Variants in RNF13 observed in about 807,000 individuals in gnomAD.
The protein encoded by RNF13 is E3 ubiquitin-protein ligase RNF13.
RNF13 carries 19 observed loss-of-function variants against 37.7 expected under a neutral mutation model. The ratio of observed to expected loss-of-function variants is 0.50; its 90% CI spans 0.35 to 0.74. The LOEUF (loss-of-function observed/expected upper bound fraction) is 0.74. RNF13 is among the 30% of genes least tolerant of loss of function. RNF13 has a pLI of 0.01. For missense variants in RNF13, 375 were observed against 453.0 expected (o/e 0.83, Z 1.56); for synonymous variants, 144 against 157.8 (o/e 0.91, Z 0.65).
At chr3:149,950,118 G>T (rs746195993) in intron 8 of RNF13, among the ~76,000 whole-genome samples, 2 of 152,066 alleles carry the variant, frequency 1.3e-5, no homozygotes. Flanking sequence ...TAGTGTTTTT[G>T]ATCTCTAGCA....
intron 4 of RNF13, among the ~76,000 whole-genome samples, chr3:149,875,793 T>TA (rs1450982696): frequency 3.7e-5 from 2 of 54,338 alleles, no homozygotes; most frequent in African/African-American, 7.6e-5. Context: ...AGTAATCACT[T>TA]ACACTGTTTT....
rs1375887289 is a variant in RNF13 at position 149,860,303 on chromosome 3, C to T, written c.195+7707C>T. Reference sequence around the variant, plus strand: ...TATATATATATATATATATATATAACGTGTATATATAATGTATTTATACAT... The same window carrying T: ...TATATATATATATATATATATATAATGTGTATATATAATGTATTTATACAT... On this transcript the variant is annotated intron_variant, in intron 3 of 9. Transcript: ENST00000392894. 9.0e-5 allele frequency among the ~76,000 whole-genome samples: 11 copies of T among 121,712 alleles called. No individual in the cohort carries two copies. The South Asian group carries it at 2.7e-3, about 29-fold the overall frequency. The allele number at this position is 121,712 out of a possible 152,430, so 79.8% of individuals were successfully genotyped here. A position where few individuals can be genotyped will look rare whatever the true frequency, so the allele number is the denominator to read the frequency against.
Position 149,869,607 on chromosome 3 carries a change from GA to G in RNF13, c.196-2410del, listed in dbSNP as rs762634498. The stretch of plus-strand genomic sequence containing the variant: ...GGCGACAGAGCGAGACTCCGCCTCA[GA>G]AAAAAAAAAAAGTTCACATATTGCC... On this transcript the variant is annotated intron_variant, in intron 3 of 9. Transcript: ENST00000392894. 4.3e-3 allele frequency among the ~76,000 whole-genome samples: 617 copies of G among 145,120 alleles called. 6 individuals carry two copies. The highest frequency in any genetic ancestry group is 0.014 in the African/African-American group (558 of 40,116).
At chr3:149,909,782 C>T (rs569653019) in intron 6 of RNF13, among the ~76,000 whole-genome samples, 41 of 152,110 alleles carry the variant, frequency 2.7e-4, no homozygotes, top group Admixed American at 5.2e-4. Context: ...CAAACACACA[C>T]GAAGTTCCTA....
intron 3 of RNF13, among the ~76,000 whole-genome samples, chr3:149,867,134 C>T (rs147305072): frequency 3.9e-4 from 59 of 152,272 alleles, no homozygotes; most frequent in Non-Finnish European, 7.1e-4. Flanking sequence ...TGTAGTCTCT[C>T]TCTCCCTTTG....
At chr3:149,823,469 A>G (rs1430776846) in intron 1 of RNF13, among the ~76,000 whole-genome samples, 1 of 152,186 alleles carries the variant, frequency 6.6e-6, no homozygotes, top group East Asian at 1.9e-4. Flanking sequence ...CTGGAAAGCA[A>G]TTGGGCAATA....
At chr3:149,871,081 G>A (rs566229121) in intron 3 of RNF13, among the ~76,000 whole-genome samples, 1 of 128,712 alleles carries the variant, frequency 7.8e-6, no homozygotes, top group Non-Finnish European at 1.6e-5. Context: ...TCGCTCTATC[G>A]CCCAGGCTGG....
chr3:149,856,750 C>G (rs145536623), intron 3 of RNF13, among the ~76,000 whole-genome samples: 1 of 151,850 alleles, frequency 6.6e-6, no homozygotes, highest in East Asian at 1.9e-4. Context: ...GCCAAAATAT[C>G]TTACTTTTTT....
chr3:149,917,835 ATTTGT>A (rs1203985425), intron 7 of RNF13, among the ~76,000 whole-genome samples: 1 of 152,142 alleles, frequency 6.6e-6, no homozygotes, highest in African/African-American at 2.4e-5. Flanking sequence ...GAACTTGTGA[ATTTGT>A]TTTGTCTAGT....
intron 1 of RNF13, among the ~76,000 whole-genome samples, chr3:149,829,737 C>T (rs988179267): frequency 4.6e-5 from 7 of 152,106 alleles, no homozygotes; most frequent in Admixed American, 1.3e-4. Context: ...TTTTTAAAAG[C>T]GTTAAAAAAC....
chr3:149,880,528 A>C (rs374780013), intron 4 of RNF13, among the ~76,000 whole-genome samples: 2 of 152,300 alleles, frequency 1.3e-5, no homozygotes, highest in East Asian at 3.9e-4. Flanking sequence ...AAGCAGTTTT[A>C]ACTTAAGCAT....
intron 8 of RNF13, among the ~76,000 whole-genome samples, chr3:149,927,387 A>G (rs980569586): frequency 1.3e-5 from 2 of 152,240 alleles, no homozygotes; most frequent in Non-Finnish European, 2.9e-5. Context: ...TCATTCATCT[A>G]TTAGCGGATA....
chr3:149,838,718 C>T (rs1471326318), intron 1 of RNF13, among the ~76,000 whole-genome samples: 1 of 152,234 alleles, frequency 6.6e-6, no homozygotes, highest in Non-Finnish European at 1.5e-5. Context: ...GGAGAGGCTG[C>T]CATGACAACC....
intron 8 of RNF13, among the ~76,000 whole-genome samples, chr3:149,925,600 AC>A: frequency 6.6e-6 from 1 of 152,010 alleles, no homozygotes; most frequent in Non-Finnish European, 1.5e-5. Flanking sequence ...GATTTTACTT[AC>A]CCACTTTACT....
At chr3:149,951,115 C>T (rs983716826) in intron 8 of RNF13, among the ~76,000 whole-genome samples, 1 of 152,046 alleles carries the variant, frequency 6.6e-6, no homozygotes, top group African/African-American at 2.4e-5. Flanking sequence ...CACTGGGTCC[C>T]CTGGAAGTGT....
At chr3:149,869,943 A>C (rs562468384) in intron 3 of RNF13, among the ~76,000 whole-genome samples, 40 of 151,810 alleles carry the variant, frequency 2.6e-4, no homozygotes, top group Admixed American at 1.4e-3. Context: ...ATATCTTGGC[A>C]CTGTGGGAAG....
chr3:149,853,455 GGAGAGAGAGAGAGAGAGAGAGAGAGA>G (rs397842025), intron 3 of RNF13, among the ~76,000 whole-genome samples: 3 of 117,302 alleles, frequency 2.6e-5, no homozygotes, highest in South Asian at 5.8e-4. Context: ...AGAGAGAGAG[GGAGAGAGAGAGAGAGAGAGAGAGAGA>G]GAGAGAGAGA....
intron 4 of RNF13, among the ~76,000 whole-genome samples, chr3:149,885,308 C>T (rs1032758693): frequency 5.3e-5 from 8 of 152,040 alleles, no homozygotes; most frequent in South Asian, 2.1e-4. Context: ...ATCTCCAAGC[C>T]GTTCTCCCTA....
rs1722369648 is a variant in RNF13 at position 149,961,105 on chromosome 3, C to T, written c.*1C>T. ...TTACAACATAGCAAATACTGTTTGA[C>T]TTTCAGAAGATGATTGGTTTATTTC... On this transcript the variant is annotated 3_prime_UTR_variant, in exon 10 of 10. Transcript: ENST00000392894. 6.3e-7 allele frequency: 1 copy of T among 1,591,336 alleles called. No homozygotes were observed. Among genetic ancestry groups the T allele is most frequent in the African/African-American group, 1.3e-5 (1 of 74,226 alleles).
Sources: allele counts gnomAD v4.1 joint callset (sites outside exome capture counted in the v4.1 genomes callset), GRCh38; gene constraint gnomAD v4.1.1; transcripts MANE v1.5; gene names NCBI Gene and HGNC (gene_info 2026-07-23, HGNC 2026-07-21).